Variants in IGF1R observed in about 807,000 individuals in gnomAD.
IGF1R encodes the protein insulin-like growth factor 1 receptor.
A neutral mutation model predicts 144.6 loss-of-function variants in IGF1R; 44 were observed. That is an observed-to-expected ratio of 0.30 (90% CI 0.24 to 0.39). The LOEUF (loss-of-function observed/expected upper bound fraction) is 0.39. IGF1R is among the 10% of genes least tolerant of loss of function. The pLI is 1.00. For missense variants in IGF1R, 1,355 were observed against 1,833.7 expected (o/e 0.74, Z 4.77); for synonymous variants, 795 against 722.8 (o/e 1.10, Z -1.60).
intron 2 of IGF1R, among the ~76,000 whole-genome samples, chr15:98,820,310 A>G (rs1407401796): frequency 6.6e-6 from 1 of 152,244 alleles, no homozygotes; most frequent in East Asian, 1.9e-4. Flanking sequence ...AGAATATTCC[A>G]GGAAACCTTA....
Position 98,835,769 on chromosome 15 carries a change from A to C in IGF1R, c.641-55556A>C, listed in dbSNP as rs909638378. On this transcript the variant is annotated intron_variant, in intron 2 of 20. Transcript: ENST00000650285. Reference sequence around the variant, plus strand: ...TCACCTCTGGAACTAACTCCTGTAAAATGAAGCCTCTGCATCCTTCAGTAA... The same window carrying C: ...TCACCTCTGGAACTAACTCCTGTAACATGAAGCCTCTGCATCCTTCAGTAA... 2.8e-4 allele frequency among the ~76,000 whole-genome samples: 42 copies of C among 152,268 alleles called. 1 individual carries two copies. The highest frequency in any genetic ancestry group is 1.0e-3 in the African/African-American group (42 of 41,542).
At chr15:98,667,147 T>C (rs913706578) in intron 1 of IGF1R, among the ~76,000 whole-genome samples, 6 of 135,772 alleles carry the variant, frequency 4.4e-5, no homozygotes. Flanking sequence ...AGATAATTTT[T>C]TTCTTTCAAG....
At position 98,957,592 on chromosome 15, in the gene IGF1R, T is replaced by G. The variant is rs1017309387; in HGVS notation, c.*150T>G. On this transcript the variant is annotated 3_prime_UTR_variant, in exon 21 of 21. Transcript: ENST00000650285. Reference sequence around the variant, plus strand: ...CTTGCTGCCCGCGGGAGACAGCTTCTCTGCAGTAAAACACATTTGGGATGT... The same window carrying G: ...CTTGCTGCCCGCGGGAGACAGCTTCGCTGCAGTAAAACACATTTGGGATGT... The G allele has an allele frequency of 7.6e-6, 7 of 924,294 alleles. No homozygotes were observed. Among genetic ancestry groups the G allele is most frequent in the Non-Finnish European group, 1.2e-5 (7 of 596,496 alleles). 57.3% of individuals were successfully genotyped at this position (924,294 alleles called of 1,614,324 possible).
chr15:98,835,689 C>T (rs138697464), intron 2 of IGF1R, among the ~76,000 whole-genome samples: 1 of 152,328 alleles, frequency 6.6e-6, no homozygotes, highest in Non-Finnish European at 1.5e-5. Flanking sequence ...AAAAGCCAGA[C>T]CCTCCTGGCA....
chr15:98,940,126 T>G (rs537380012), intron 18 of IGF1R, among the ~76,000 whole-genome samples: 2 of 152,360 alleles, frequency 1.3e-5, no homozygotes, highest in South Asian at 4.1e-4. Flanking sequence ...ACACATAACA[T>G]CAGGGCTGCT....
intron 10 of IGF1R, 48 bp from the exon 11 acceptor site, chr15:98,922,100 C>T: frequency 6.2e-7 from 1 of 1,601,758 alleles, no homozygotes; most frequent in Non-Finnish European, 8.6e-7. Flanking sequence ...ATAGAAAAGA[C>T]AAAAGAGGTA....
chr15:98,710,511 A>G (rs1333025022), intron 2 of IGF1R, among the ~76,000 whole-genome samples: 1 of 152,096 alleles, frequency 6.6e-6, no homozygotes, highest in Non-Finnish European at 1.5e-5. Context: ...TAGGTGTAAA[A>G]TATACACTAG....
intron 2 of IGF1R, among the ~76,000 whole-genome samples, chr15:98,768,534 T>C (rs1386919642): frequency 6.8e-6 from 1 of 146,642 alleles, no homozygotes; most frequent in Non-Finnish European, 1.5e-5. Flanking sequence ...AGAATCACTT[T>C]AACCAGAGAG....
At chr15:98,672,463 G>C (rs575684857) in intron 1 of IGF1R, among the ~76,000 whole-genome samples, 1 of 151,824 alleles carries the variant, frequency 6.6e-6, no homozygotes, top group Non-Finnish European at 1.5e-5. Context: ...CCAGCTACTC[G>C]GGAGGCTGAG....
chr15:98,916,335 C>G, intron 9 of IGF1R: 1 of 566,328 alleles, frequency 1.8e-6, no homozygotes, highest in South Asian at 2.0e-5. Flanking sequence ...GATCATGGCT[C>G]ACTGCAATTT....
intron 2 of IGF1R, among the ~76,000 whole-genome samples, chr15:98,755,738 A>AGC: frequency 7.8e-6 from 1 of 128,364 alleles, no homozygotes; most frequent in Admixed American, 7.8e-5. Context: ...AAAAAAAAAA[A>AGC]AAAAAAAAAA....
chr15:98,779,115 T>C lies in IGF1R; in HGVS notation c.640+71008T>C, dbSNP rs139926627. On this transcript the variant is annotated intron_variant, in intron 2 of 20. Transcript: ENST00000650285. The stretch of plus-strand genomic sequence containing the variant: ...GTGTGCTTGGTACGAAGTAGTAACA[T>C]CAATTCAGTGTTCAGTACATCCACT... 2.4e-3 allele frequency among the ~76,000 whole-genome samples: 362 copies of C among 152,354 alleles called. 1 individual carries two copies. Among genetic ancestry groups the C allele is most frequent in the African/African-American group, 8.4e-3 (348 of 41,574 alleles).
chr15:98,755,543 C>G (rs1256703276), intron 2 of IGF1R, among the ~76,000 whole-genome samples: 1 of 151,724 alleles, frequency 6.6e-6, no homozygotes, highest in East Asian at 1.9e-4. Context: ...GAGTTTGAGA[C>G]CAGCCTGACC....
intron 2 of IGF1R, among the ~76,000 whole-genome samples, chr15:98,854,547 T>C (rs2011686940): frequency 6.6e-6 from 1 of 152,182 alleles, no homozygotes; most frequent in Admixed American, 6.5e-5. Context: ...CAGGGTGAAT[T>C]CATCTTTTGC....
intron 2 of IGF1R, among the ~76,000 whole-genome samples, chr15:98,839,483 G>A (rs1033511528): frequency 6.6e-6 from 1 of 152,072 alleles, no homozygotes; most frequent in African/African-American, 2.4e-5. Context: ...TGTGTGCCTC[G>A]GACACGAAAA....
chr15:98,793,556 T>G (rs1377422052), intron 2 of IGF1R, among the ~76,000 whole-genome samples: 1 of 152,232 alleles, frequency 6.6e-6, no homozygotes, highest in African/African-American at 2.4e-5. Flanking sequence ...TTCTCTATAC[T>G]AAAACAGGAA....
At chr15:98,915,213 G>T (rs568107595) in intron 8 of IGF1R, among the ~76,000 whole-genome samples, 3 of 152,332 alleles carry the variant, frequency 2.0e-5, no homozygotes, top group African/African-American at 7.2e-5. Context: ...CTGGGTTTCA[G>T]TTCAGGGGTC....
intron 2 of IGF1R, among the ~76,000 whole-genome samples, chr15:98,801,887 G>A (rs1567135927): frequency 6.6e-6 from 1 of 152,200 alleles, no homozygotes; most frequent in Non-Finnish European, 1.5e-5. Context: ...AATGGACTGA[G>A]CATCTTACTT....
chr15:98,911,744 A>C (rs2015030034), intron 7 of IGF1R, among the ~76,000 whole-genome samples: 1 of 152,204 alleles, frequency 6.6e-6, no homozygotes, highest in Non-Finnish European at 1.5e-5. Context: ...TTTTTCCAGA[A>C]TTAGGTCAGT....
Sources: gnomAD v4.1 joint callset for allele counts (sites outside exome capture counted in the v4.1 genomes callset) on GRCh38, gnomAD v4.1.1 for gene constraint, MANE v1.5 for transcripts, NCBI Gene and HGNC (gene_info 2026-07-23, HGNC 2026-07-21) for gene names.